Variants in CSNK1G2 observed in about 807,000 individuals in gnomAD.
The protein encoded by CSNK1G2 is casein kinase 1 gamma 2.
In CSNK1G2, 11 loss-of-function variants were observed where a neutral mutation model predicts 48.0. That is an observed-to-expected ratio of 0.23 (90% CI 0.14 to 0.38). CSNK1G2 has a LOEUF of 0.38. CSNK1G2 is among the 10% of genes least tolerant of loss of function. The probability of loss-of-function intolerance (pLI) is 1.00; values close to 1 mark genes in which losing one functional copy is unlikely to be tolerated. For missense variants in CSNK1G2, 446 were observed against 595.5 expected (o/e 0.75, Z 2.61); for synonymous variants, 337 against 254.1 (o/e 1.33, Z -3.10).
intron 1 of CSNK1G2, among the ~76,000 whole-genome samples, chr19:1,948,922 A>T (rs946920264): frequency 2.6e-4 from 40 of 152,250 alleles, no homozygotes; most frequent in Non-Finnish European, 4.9e-4. Flanking sequence ...GGAGAAAAGC[A>T]GAAGGAAGAG....
At chr19:1,974,436 C>T (rs2015682285) in intron 2 of CSNK1G2, among the ~76,000 whole-genome samples, 1 of 152,216 alleles carries the variant, frequency 6.6e-6, no homozygotes, top group Admixed American at 6.5e-5. Context: ...GGCCCCAGCC[C>T]CAGCCCCAGC....
At chr19:1,960,788 C>T (rs1396508673) in intron 1 of CSNK1G2, among the ~76,000 whole-genome samples, 1 of 151,326 alleles carries the variant, frequency 6.6e-6, no homozygotes. Context: ...ACCTGGGAGG[C>T]CGAGGTAGGA....
chr19:1,949,276 T>G (rs116008799), intron 1 of CSNK1G2, among the ~76,000 whole-genome samples: 2,467 of 152,200 alleles, frequency 0.016, 69 homozygotes, highest in African/African-American at 0.057. Flanking sequence ...CTTCCCAAAT[T>G]GAGACGCTGT....
At chr19:1,963,278 C>T (rs775505675) in intron 1 of CSNK1G2, among the ~76,000 whole-genome samples, 58 of 152,104 alleles carry the variant, frequency 3.8e-4, no homozygotes, top group Non-Finnish European at 6.0e-4. Context: ...GACAGAGTCT[C>T]CCTCTGTCGC....
chr19:1,980,293 C>T lies in CSNK1G2; in HGVS notation c.*90C>T, dbSNP rs766743092. 7 of 1,505,922 alleles carry T rather than the reference C, an allele frequency of 4.6e-6. No homozygotes were observed. In the East Asian group the frequency reaches 1.4e-4, roughly 29 times the overall value. 93.3% of individuals were successfully genotyped at this position (1,505,922 alleles called of 1,614,324 possible). ...GGCCCTCGGGGCCCACCCACAGCGG[C>T]CCAGGGCCAGACCCTGGCTGGAAGC... On this transcript the variant is annotated 3_prime_UTR_variant, in exon 12 of 12. Transcript: ENST00000255641.
intron 1 of CSNK1G2, among the ~76,000 whole-genome samples, chr19:1,946,289 T>TATTTATTTATTTATTATTTAATTA (rs56098852): frequency 7.0e-6 from 1 of 143,806 alleles, no homozygotes. Flanking sequence ...TTTATTTATT[T>TATTTATTTATTTATTATTTAATTA]TTTATTTATT....
intron 1 of CSNK1G2, among the ~76,000 whole-genome samples, chr19:1,946,868 C>G (rs1234174634): frequency 6.6e-6 from 1 of 152,200 alleles, no homozygotes; most frequent in African/African-American, 2.4e-5. Flanking sequence ...GCCTCGGCCT[C>G]TCAAAGTGCT....
At chr19:1,956,179 C>T (rs769592219) in intron 1 of CSNK1G2, among the ~76,000 whole-genome samples, 2 of 151,960 alleles carry the variant, frequency 1.3e-5, no homozygotes, top group Non-Finnish European at 1.5e-5. Flanking sequence ...CCGGGGGTCG[C>T]ACAAGGAGGC....
chr19:1,960,586 G>A (rs1006959557), intron 1 of CSNK1G2, among the ~76,000 whole-genome samples: 3 of 152,142 alleles, frequency 2.0e-5, no homozygotes, highest in Admixed American at 6.6e-5. Flanking sequence ...CTTTCTTGTG[G>A]GCTGGAAAAT....
chr19:1,973,410 CAG>C (rs1422633537), intron 2 of CSNK1G2, among the ~76,000 whole-genome samples: 3 of 151,892 alleles, frequency 2.0e-5, no homozygotes, highest in Non-Finnish European at 4.4e-5. Context: ...TTAGTAGAGA[CAG>C]GGTTTTGCCA....
intron 1 of CSNK1G2, among the ~76,000 whole-genome samples, chr19:1,968,233 T>G (rs2015443043): frequency 2.2e-5 from 1 of 46,210 alleles, no homozygotes. Flanking sequence ...CACCCTTCAG[T>G]TCTGCAGGTG....
intron 1 of CSNK1G2, among the ~76,000 whole-genome samples, chr19:1,943,988 C>T (rs1345170507): frequency 1.3e-5 from 2 of 152,110 alleles, no homozygotes; most frequent in African/African-American, 4.8e-5. Context: ...GGCAGGCCAG[C>T]ATGTGGGGCT....
intron 2 of CSNK1G2, chr19:1,975,989 C>T (rs533833902): frequency 4.0e-5 from 43 of 1,073,394 alleles, no homozygotes; most frequent in Non-Finnish European, 5.0e-5. Context: ...GAGCCGTGAT[C>T]GCGCCAGTGC....
intron 1 of CSNK1G2, among the ~76,000 whole-genome samples, chr19:1,967,031 C>T (rs374850049): frequency 3.9e-4 from 50 of 127,320 alleles, no homozygotes; most frequent in African/African-American, 1.5e-3. Context: ...CACCACGCCC[C>T]GCTTAATTAA....
intron 1 of CSNK1G2, chr19:1,952,610 A>G: frequency 6.3e-6 from 1 of 159,840 alleles, no homozygotes; most frequent in Non-Finnish European, 1.4e-5. Flanking sequence ...TTTAGTAACG[A>G]TATATTTGAC....
intron 1 of CSNK1G2, among the ~76,000 whole-genome samples, chr19:1,945,625 T>C (rs1191557917): frequency 1.3e-5 from 2 of 152,216 alleles, no homozygotes; most frequent in South Asian, 4.1e-4. Flanking sequence ...AGTTCAAGAC[T>C]AGTCTGGCCA....
intron 2 of CSNK1G2, chr19:1,975,399 C>G (rs1034246841): frequency 2.0e-6 from 2 of 985,344 alleles, no homozygotes; most frequent in South Asian, 4.7e-5. Context: ...GACGGCTGCC[C>G]GCAGGAAGAG....
Position 1,980,577 on chromosome 19 carries a change from C to CTAACAT in CSNK1G2, c.*374_*375insTAACAT. 6.9e-6 allele frequency: 2 copies of CTAACAT among 291,354 alleles called. No individual in the cohort carries two copies. Among genetic ancestry groups the CTAACAT allele is most frequent in the East Asian group, 9.8e-5 (1 of 10,250 alleles). The allele number at this position is 291,354 out of a possible 1,614,324, so 18.0% of individuals were successfully genotyped here. ...GCCCCCCGGCCTGGCCCCGCCCCGC[C>CTAACAT]AGCCGCCCCCGTTAGCGTCATAAAG... On this transcript the variant is annotated 3_prime_UTR_variant, in exon 12 of 12. Transcript: ENST00000255641.
Position 1,973,076 on chromosome 19 carries a change from C to T in CSNK1G2, c.187+3117C>T, listed in dbSNP as rs566008952. ...CCAAGTAGCTGGGACTACAGCCGCC[C>T]GCCACCACACCCAGCTAATTTTTTG... On this transcript the variant is annotated intron_variant, in intron 2 of 11. Transcript: ENST00000255641. Among the ~76,000 whole-genome samples, 57 of 151,752 alleles carry T rather than the reference C, an allele frequency of 3.8e-4. No homozygotes were observed. The South Asian group carries it at 7.1e-3, about 19-fold the overall frequency.
Sources: gnomAD v4.1 joint callset for allele counts (sites outside exome capture counted in the v4.1 genomes callset) on GRCh38, gnomAD v4.1.1 for gene constraint, MANE v1.5 for transcripts, NCBI Gene and HGNC (gene_info 2026-07-23, HGNC 2026-07-21) for gene names.